TIGAR: variants seen among roughly 807,000 people sequenced by gnomAD.
TIGAR encodes the protein TP53 induced glycolysis regulatory phosphatase, also known as fructose-2,6-bisphosphatase TIGAR.
TIGAR carries 7 observed loss-of-function variants against 17.9 expected under a neutral mutation model. That is an observed-to-expected ratio of 0.39 (90% confidence interval 0.22 to 0.73). TIGAR has a LOEUF of 0.73. Among genes scored for constraint, TIGAR ranks in the 30% least tolerant of loss-of-function variants. TIGAR has a pLI of 0.42. For missense variants in TIGAR, 258 were observed against 327.4 expected, an observed-to-expected ratio of 0.79 and a Z score of 1.64; for synonymous variants, 94 against 108.6, an observed-to-expected ratio of 0.87 and a Z score of 0.84.
chr12:4,347,907 G>A (rs551711523), intron 3 of TIGAR, among the ~76,000 whole-genome samples: 5 of 152,138 alleles, frequency 3.3e-5, no homozygotes, highest in African/African-American at 4.8e-5. Context: ...AGGCCGAAGC[G>A]GGAAGATCAC....
chr12:4,324,373 T>C, intron 1 of TIGAR: 1 of 962,664 alleles, frequency 1.0e-6, no homozygotes, highest in Non-Finnish European at 1.7e-6. Flanking sequence ...GCTGAGCCAC[T>C]ACTTGAGGGG....
At chr12:4,338,734 TTGGGAGGCCGAGA>T (rs1417436587) in intron 3 of TIGAR, among the ~76,000 whole-genome samples, 1 of 151,710 alleles carries the variant, frequency 6.6e-6, no homozygotes, top group Non-Finnish European at 1.5e-5. Flanking sequence ...AAAAGCCACT[TTGGGAGGCCGAGA>T]TGGGAGGATT....
Position 4,353,990 on chromosome 12 carries a change from A to G in TIGAR, c.*1299A>G, listed in dbSNP as rs560243031. On this transcript the variant is annotated 3_prime_UTR_variant, in exon 6 of 6. Coordinates refer to ENST00000179259, the MANE Select transcript of TIGAR (RefSeq NM_020375.3). ...GGGATTTTGATTAACTTAATTTTAT[A>G]CACAAGATTGGTCTTTCAGAAATCT... 1 of 152,716 alleles carries G rather than the reference A, an allele frequency of 6.5e-6. No individual in the cohort carries two copies. Among genetic ancestry groups the G allele is most frequent in the East Asian group, 1.9e-4 (1 of 5,184 alleles). The allele number at this position is 152,716 out of a possible 1,614,324, so 9.5% of individuals were successfully genotyped here. A position where few individuals can be genotyped will look rare whatever the true frequency, so the allele number is the denominator to read the frequency against.
chr12:4,336,239 A>G (rs890003616), intron 2 of TIGAR, among the ~76,000 whole-genome samples: 3 of 152,162 alleles, frequency 2.0e-5, no homozygotes, highest in African/African-American at 7.2e-5. Flanking sequence ...TCCTTACAGG[A>G]GCCCTCGCTC....
In TIGAR at chr12:4,357,187, A is replaced by C. The variant is rs564040936; in HGVS notation, c.*4496A>C. ...CAATATTTGGCCATATCACTTAAGTACATATGCTTATATTATGTATACTTG... is the reference window on the plus strand; with the variant it reads ...CAATATTTGGCCATATCACTTAAGTCCATATGCTTATATTATGTATACTTG... On this transcript the variant is annotated 3_prime_UTR_variant, in exon 6 of 6. Coordinates refer to ENST00000179259, the MANE Select transcript of TIGAR (RefSeq NM_020375.3). Among the ~76,000 whole-genome samples, 1 of 152,376 alleles carries C rather than the reference A, an allele frequency of 6.6e-6. No individual in the cohort carries two copies. The highest frequency in any genetic ancestry group is 2.1e-4 in the South Asian group (1 of 4,834).
At chr12:4,346,208 G>A (rs1591664730) in intron 3 of TIGAR, among the ~76,000 whole-genome samples, 1 of 152,188 alleles carries the variant, frequency 6.6e-6, no homozygotes. Flanking sequence ...CAATTCCTCA[G>A]GGATCTAGAA....
At chr12:4,332,631 T>C (rs1230880778) in intron 2 of TIGAR, among the ~76,000 whole-genome samples, 1 of 152,244 alleles carries the variant, frequency 6.6e-6, no homozygotes, top group Non-Finnish European at 1.5e-5. Flanking sequence ...CAGCACCAAG[T>C]ATTTTCAATT....
rs189927117 is a variant in TIGAR, at chr12:4,329,125, A to C, written c.33-2155A>C. Among the ~76,000 whole-genome samples the C allele has an allele frequency of 2.0e-5, 3 of 152,060 alleles. No homozygotes were observed. In the South Asian group the frequency reaches 6.2e-4, roughly 32 times the overall value. ...TACCCTGCTTTTTCTACTTAATCAT[A>C]TATCTTGGTGAGCATTCCATATCTT... On this transcript the variant is annotated intron_variant, in intron 1 of 5. Coordinates refer to ENST00000179259, the MANE Select transcript of TIGAR (RefSeq NM_020375.3).
At position 4,335,897 on chromosome 12, in the gene TIGAR, C is replaced by CA. The variant is rs1341416334; in HGVS notation, c.71-1140dup. On this transcript the variant is annotated intron_variant, in intron 2 of 5. Coordinates refer to ENST00000179259, the MANE Select transcript of TIGAR (RefSeq NM_020375.3). ...CATTGAGGGGCCCTCCAGCCCCCAG[C>CA]AATCCTGATTTTTATTATTAAAAGA... Among the ~76,000 whole-genome samples the CA allele has an allele frequency of 2.6e-5, 4 of 152,226 alleles. No individual in the cohort carries two copies. The East Asian group carries it at 7.7e-4, about 29-fold the overall frequency.
At chr12:4,332,265 C>G (rs1320619699) in intron 2 of TIGAR, among the ~76,000 whole-genome samples, 3 of 60,362 alleles carry the variant, frequency 5.0e-5, no homozygotes, top group Non-Finnish European at 9.5e-5. Context: ...TTTTTTGAGT[C>G]AGGGTCTCAC....
At chr12:4,337,455 C>T (rs1316637547) in intron 3 of TIGAR, among the ~76,000 whole-genome samples, 2 of 152,172 alleles carry the variant, frequency 1.3e-5, no homozygotes, top group South Asian at 2.1e-4. Context: ...CCACCACGCC[C>T]AGCAACAGGT....
intron 1 of TIGAR, 136 bp from the exon 2 acceptor site, chr12:4,331,144 A>G: frequency 1.3e-6 from 1 of 753,494 alleles, no homozygotes; most frequent in Non-Finnish European, 2.3e-6. Context: ...TTGTTTTTAC[A>G]GGTTGGATTA....
chr12:4,336,889 TA>T, intron 2 of TIGAR, 149 bp from the exon 3 acceptor site: 1 of 880,996 alleles, frequency 1.1e-6, no homozygotes, highest in Non-Finnish European at 1.6e-6. Context: ...TTTTACTTGC[TA>T]ATAACTCCCT....
intron 5 of TIGAR, among the ~76,000 whole-genome samples, chr12:4,351,835 C>T (rs1864841044): frequency 6.6e-6 from 1 of 152,208 alleles, no homozygotes; most frequent in Admixed American, 6.5e-5. Context: ...CCTCCTTAAT[C>T]TTTATCTTAA....
Position 4,358,828 on chromosome 12 carries a change from C to T in TIGAR, c.*6137C>T, listed in dbSNP as rs976171198. On this transcript the variant is annotated 3_prime_UTR_variant, in exon 6 of 6. Transcript: ENST00000179259. ...CATGTCCTTCCGTCTACTCCTTTGC[C>T]TTCCTTTGCCCTTCTTTTTTTCTCC... 2.6e-5 allele frequency among the ~76,000 whole-genome samples: 4 copies of T among 151,652 alleles called. No individual in the cohort carries two copies. The highest frequency in any genetic ancestry group is 4.2e-4 in the South Asian group (2 of 4,812).
rs1033897755 is a variant in TIGAR at position 4,354,285 on chromosome 12, A to G, written c.*1594A>G. ...CATCAGAGGAAGTATACTGTAAATA[A>G]AAATTTGAAAAATAAGCAAAAAGGA... is the stretch of plus-strand genomic sequence containing the variant. On this transcript the variant is annotated 3_prime_UTR_variant, in exon 6 of 6. Coordinates refer to ENST00000179259, the MANE Select transcript of TIGAR (RefSeq NM_020375.3). The G allele has an allele frequency of 2.6e-5, 4 of 152,218 alleles. No homozygotes were observed. Among genetic ancestry groups the G allele is most frequent in the Non-Finnish European group, 5.9e-5 (4 of 68,050 alleles). 9.4% of individuals were successfully genotyped at this position (152,218 alleles called of 1,614,324 possible). A position where few individuals can be genotyped will look rare whatever the true frequency, so the allele number is the denominator to read the frequency against.
chr12:4,345,143 T>C (rs1258908978), intron 3 of TIGAR, among the ~76,000 whole-genome samples: 1 of 152,180 alleles, frequency 6.6e-6, no homozygotes, highest in Non-Finnish European at 1.5e-5. Context: ...TCCATGCTCA[T>C]GGATAGGAAG....
At position 4,357,810 on chromosome 12, in the gene TIGAR, A is replaced by G. The variant is rs1038511806; in HGVS notation, c.*5119A>G. On this transcript the variant is annotated 3_prime_UTR_variant, in exon 6 of 6. Coordinates refer to ENST00000179259, the MANE Select transcript of TIGAR (RefSeq NM_020375.3). ...GTTCTTAGTAATTTTGTGACCAAGC[A>G]ATCGCTGAGGTGGCTGGGCGTGGTG... Among the ~76,000 whole-genome samples, 4 of 151,990 alleles carry G rather than the reference A, an allele frequency of 2.6e-5. No homozygotes were observed. The highest frequency in any genetic ancestry group is 9.7e-5 in the African/African-American group (4 of 41,412).
In TIGAR at chr12:4,321,249, C is replaced by A. The variant is rs116446249; in HGVS notation, c.-23C>A. On this transcript the variant is annotated 5_prime_UTR_variant, in exon 1 of 6. Transcript: ENST00000179259. This position sits in a 1 kb window ranked among gnomAD's most constrained non-coding sequence, Gnocchi z 5.2. ...CAGGGGCAGCGCGGCGCGGGGCCAC[C>A]GACGGGACGCGGCTCCGGGAACATG... The A allele has an allele frequency of 1.2e-6, 2 of 1,600,346 alleles. No homozygotes were observed. The highest frequency in any genetic ancestry group is 2.2e-5 in the East Asian group (1 of 44,848).
Sources: gnomAD v4.1 joint callset for allele counts (sites outside exome capture counted in the v4.1 genomes callset) on GRCh38, gnomAD v4.1.1 for gene constraint, Gnocchi (gnomAD v3.1) non-coding constraint, MANE v1.5 for transcripts, NCBI Gene and HGNC (gene_info 2026-07-23, HGNC 2026-07-21) for gene names.